The following NRG3 variants were observed in gnomAD, a reference collection of about 807,000 sequenced individuals.
NRG3 encodes the protein neuregulin 3.
NRG3 carries 31 observed loss-of-function variants against 66.9 expected under a neutral mutation model. The ratio of observed to expected loss-of-function variants is 0.46; its 90% CI spans 0.35 to 0.63. NRG3 has a LOEUF of 0.63. NRG3 is among the 20% of genes least tolerant of loss of function. The pLI is 0.00. For missense variants in NRG3, 910 were observed against 878.9 expected (o/e 1.04, Z -0.45); for synonymous variants, 393 against 359.4 (o/e 1.09, Z -1.06).
chr10:82,063,406 G>C (rs1050623854), intron 1 of NRG3, among the ~76,000 whole-genome samples: 1 of 151,554 alleles, frequency 6.6e-6, no homozygotes, highest in Non-Finnish European at 1.5e-5. Context: ...AGATGAGAAA[G>C]TATAAACATA....
chr10:82,106,527 A>G (rs2067072185), intron 1 of NRG3, among the ~76,000 whole-genome samples: 1 of 145,312 alleles, frequency 6.9e-6, no homozygotes, highest in Non-Finnish European at 1.5e-5. Context: ...TTTTTTTGAG[A>G]TGGAGTCTCA....
intron 2 of NRG3, among the ~76,000 whole-genome samples, chr10:82,723,910 G>A (rs866519742): frequency 1.1e-4 from 16 of 152,124 alleles, no homozygotes; most frequent in Admixed American, 2.6e-4. Flanking sequence ...AACCTGGGAG[G>A]TGGAGGTTGC....
chr10:81,933,133 A>G (rs1290461447), intron 1 of NRG3, among the ~76,000 whole-genome samples: 2 of 151,974 alleles, frequency 1.3e-5, no homozygotes, highest in East Asian at 1.9e-4. Flanking sequence ...AAAGAAAAGA[A>G]AAAAAGAAAT....
At chr10:82,888,767 C>G (rs554824261) in intron 4 of NRG3, among the ~76,000 whole-genome samples, 1 of 151,946 alleles carries the variant, frequency 6.6e-6, no homozygotes, top group Non-Finnish European at 1.5e-5. Context: ...AAAATAAAAA[C>G]AAGCAGATAA....
chr10:82,311,985 G>A (rs952812346), intron 1 of NRG3, among the ~76,000 whole-genome samples: 3 of 152,022 alleles, frequency 2.0e-5, no homozygotes, highest in East Asian at 1.9e-4. Context: ...CTGCCAACTC[G>A]GGACAATAAG....
intron 1 of NRG3, among the ~76,000 whole-genome samples, chr10:81,997,986 T>C (rs2061009919): frequency 6.6e-6 from 1 of 151,878 alleles, no homozygotes; most frequent in Admixed American, 6.6e-5. Flanking sequence ...GCTGAGCAGG[T>C]CTGGGTGATT....
rs144989026 is a variant in NRG3 at position 82,144,684 on chromosome 10, G to T, written c.824-214055G>T. On this transcript the variant is annotated intron_variant, in intron 1 of 8. Transcript: ENST00000372141. ...CCCAACAGATGCACAATGTTTTGTA[G>T]CAGGGAATTGGAAAACAAACTTTGA... 1.2e-3 allele frequency among the ~76,000 whole-genome samples: 184 copies of T among 152,334 alleles called. 1 individual carries two copies. The highest frequency in any genetic ancestry group is 2.0e-3 in the Non-Finnish European group (139 of 68,038).
At chr10:82,184,039 T>G (rs2073628014) in intron 1 of NRG3, among the ~76,000 whole-genome samples, 1 of 152,132 alleles carries the variant, frequency 6.6e-6, no homozygotes, top group African/African-American at 2.4e-5. Flanking sequence ...TAAGCAAATA[T>G]CCTTTTATCT....
At chr10:82,806,348 A>G (rs1460535139) in intron 3 of NRG3, among the ~76,000 whole-genome samples, 2 of 152,164 alleles carry the variant, frequency 1.3e-5, no homozygotes, top group Non-Finnish European at 2.9e-5. Flanking sequence ...ATTATTTTCT[A>G]TATATTTTAT....
chr10:82,862,056 G>A (rs1404417050), intron 3 of NRG3, among the ~76,000 whole-genome samples: 1 of 152,152 alleles, frequency 6.6e-6, no homozygotes, highest in South Asian at 2.1e-4. Flanking sequence ...GGATAAGTAA[G>A]GTTAGGACCC....
Position 82,698,695 on chromosome 10 carries a change from T to A in NRG3, c.954-39882T>A, listed in dbSNP as rs141835250. On this transcript the variant is annotated intron_variant, in intron 2 of 8. Coordinates refer to ENST00000372141, the MANE Select transcript of NRG3 (RefSeq NM_001010848.4). ...ACCTTTTGGAGTCTCAGTGTTCTTA[T>A]CTGTAAAGTGCTGATAATATAAATA... Among the ~76,000 whole-genome samples the A allele has an allele frequency of 9.2e-5, 14 of 152,278 alleles. No homozygotes were observed. The East Asian group carries it at 2.5e-3, about 27-fold the overall frequency.
intron 1 of NRG3, among the ~76,000 whole-genome samples, chr10:81,972,561 T>G (rs2059969435): frequency 6.6e-6 from 1 of 151,928 alleles, no homozygotes; most frequent in Non-Finnish European, 1.5e-5. Flanking sequence ...TACAAAAAAG[T>G]AAGTGAATTG....
At chr10:82,710,327 T>C (rs2056579342) in intron 2 of NRG3, among the ~76,000 whole-genome samples, 1 of 152,168 alleles carries the variant, frequency 6.6e-6, no homozygotes, top group Admixed American at 6.6e-5. Flanking sequence ...GGCTCACACA[T>C]GTAATCACAG....
chr10:82,166,870 A>AT (rs567842322), intron 1 of NRG3: 10 of 618,156 alleles, frequency 1.6e-5, no homozygotes, highest in East Asian at 2.9e-5. Context: ...ACTGAAAGGT[A>AT]TTTTTTTCTC....
intron 1 of NRG3, among the ~76,000 whole-genome samples, chr10:82,238,614 C>T (rs2076861586): frequency 6.6e-6 from 1 of 152,062 alleles, no homozygotes; most frequent in Non-Finnish European, 1.5e-5. Context: ...TCTCCATTCC[C>T]TTTCCCCTAC....
intron 1 of NRG3, among the ~76,000 whole-genome samples, chr10:82,243,849 C>T (rs762583033): frequency 6.6e-6 from 1 of 152,102 alleles, no homozygotes; most frequent in Non-Finnish European, 1.5e-5. Context: ...TATCATTATA[C>T]AGCAAAGGAG....
At chr10:82,009,519 C>T (rs1431104037) in intron 1 of NRG3, among the ~76,000 whole-genome samples, 4 of 152,170 alleles carry the variant, frequency 2.6e-5, no homozygotes, top group East Asian at 1.9e-4. Context: ...TGTCCTTACA[C>T]GACTTCCCCT....
chr10:82,199,784 T>TC (rs1749596722), intron 1 of NRG3, among the ~76,000 whole-genome samples: 1 of 152,160 alleles, frequency 6.6e-6, no homozygotes, highest in African/African-American at 2.4e-5. Context: ...ATTAAGTTTT[T>TC]CTGTATCAAT....
At chr10:82,058,525 A>G (rs982375659) in intron 1 of NRG3, among the ~76,000 whole-genome samples, 5 of 151,050 alleles carry the variant, frequency 3.3e-5, no homozygotes, top group Non-Finnish European at 7.4e-5. Context: ...ATGTATAGGT[A>G]TGCCTTCAAC....
Sources: allele counts gnomAD v4.1 joint callset (sites outside exome capture counted in the v4.1 genomes callset), GRCh38; gene constraint gnomAD v4.1.1; transcripts MANE v1.5; gene names NCBI Gene and HGNC (gene_info 2026-07-23, HGNC 2026-07-21).